DOCK3: variants seen among roughly 807,000 people sequenced by gnomAD.
DOCK3 encodes dedicator of cytokinesis protein 3.
In DOCK3, 60 loss-of-function variants were observed where a neutral mutation model predicts 265.6. That is an observed-to-expected ratio of 0.23 (90% CI 0.18 to 0.28). The LOEUF (loss-of-function observed/expected upper bound fraction) is 0.28. Among genes scored for constraint, DOCK3 ranks in the 10% least tolerant of loss-of-function variants. The pLI, the probability that DOCK3 is intolerant of heterozygous loss-of-function variation, is 1.00. For missense variants in DOCK3, 1,981 were observed against 2,594.3 expected (o/e 0.76, Z 5.14); for synonymous variants, 881 against 938.0 (o/e 0.94, Z 1.11).
At chr3:50,881,288 C>T (rs1252608781) in intron 3 of DOCK3, 1 of 152,112 alleles carries the variant, frequency 6.6e-6, no homozygotes, top group African/African-American at 2.4e-5. Context: ...GGCAATCAGG[C>T]AAGAGAAAGA....
chr3:51,008,708 G>C (rs1393110643), intron 5 of DOCK3, among the ~76,000 whole-genome samples: 1 of 152,168 alleles, frequency 6.6e-6, no homozygotes, highest in African/African-American at 2.4e-5. Flanking sequence ...TTTTCAAAGG[G>C]AATGCTTCCA....
intron 5 of DOCK3, among the ~76,000 whole-genome samples, chr3:50,961,385 T>C (rs9869826): frequency 0.094 from 14,368 of 152,194 alleles, 835 homozygotes; most frequent in East Asian, 0.24. Flanking sequence ...GTGAGAGGAA[T>C]AGGAAGTTCT....
At chr3:51,212,939 A>G (rs980509909) in intron 13 of DOCK3, among the ~76,000 whole-genome samples, 4 of 151,998 alleles carry the variant, frequency 2.6e-5, no homozygotes, top group South Asian at 2.1e-4. Flanking sequence ...TCCAGGCTCT[A>G]GTAGAACCGT....
chr3:51,274,993 A>G (rs972265524), intron 24 of DOCK3, 86 bp from the exon 25 acceptor site: 9 of 1,554,104 alleles, frequency 5.8e-6, no homozygotes, highest in South Asian at 3.4e-5. Context: ...TGCTTTGAGA[A>G]TAGCTAAGTC....
At chr3:50,915,268 C>T (rs1575519738) in intron 4 of DOCK3, among the ~76,000 whole-genome samples, 1 of 151,966 alleles carries the variant, frequency 6.6e-6, no homozygotes, top group East Asian at 1.9e-4. Context: ...GTAGTAGTGA[C>T]TCTAGACCAT....
chr3:51,018,540 T>C (rs1442543359), intron 5 of DOCK3, among the ~76,000 whole-genome samples: 1 of 151,760 alleles, frequency 6.6e-6, no homozygotes, highest in Admixed American at 6.6e-5. Context: ...ATCTGTTATG[T>C]AAAATATTTC....
At chr3:51,203,545 C>G (rs2088959916) in intron 12 of DOCK3, among the ~76,000 whole-genome samples, 1 of 152,192 alleles carries the variant, frequency 6.6e-6, no homozygotes. Flanking sequence ...ACATTCCATG[C>G]TCATGGATAG....
chr3:50,920,757 G>A (rs2050407007), intron 4 of DOCK3, among the ~76,000 whole-genome samples: 1 of 152,058 alleles, frequency 6.6e-6, no homozygotes, highest in African/African-American at 2.4e-5. Context: ...CTTCAGTTCT[G>A]CTCTGATCTT....
At chr3:51,134,044 T>G (rs1459220102) in intron 9 of DOCK3, among the ~76,000 whole-genome samples, 1 of 152,180 alleles carries the variant, frequency 6.6e-6, no homozygotes, top group Admixed American at 6.5e-5. Flanking sequence ...GGTTTTCTGT[T>G]TCTGCGTTAG....
chr3:50,933,787 C>A (rs1250848182), intron 4 of DOCK3, among the ~76,000 whole-genome samples, 194 bp from the exon 5 acceptor site: 1 of 152,162 alleles, frequency 6.6e-6, no homozygotes, highest in Non-Finnish European at 1.5e-5. Context: ...AAACCCAAAT[C>A]TCTTTACTTT....
chr3:51,103,900 A>G (rs1310000109), intron 9 of DOCK3, among the ~76,000 whole-genome samples: 3 of 152,214 alleles, frequency 2.0e-5, no homozygotes, highest in African/African-American at 4.8e-5. Context: ...AGACAGCAAT[A>G]TTTCTACCCA....
chr3:51,339,048 A>T lies in DOCK3; in HGVS notation c.3766+20A>T, dbSNP rs2085063522. 3 of 1,552,756 alleles carry T rather than the reference A, an allele frequency of 1.9e-6. No individual in the cohort carries two copies. Among genetic ancestry groups the T allele is most frequent in the Non-Finnish European group, 2.6e-6 (3 of 1,150,290 alleles). On this transcript the variant is annotated intron_variant, in intron 37 of 52. Coordinates refer to ENST00000266037, the MANE Select transcript of DOCK3 (RefSeq NM_004947.5). ...ACACAGGTAAGTGGGGAGAAGAGAGAGCCATGCCTGACCATGAGGACAAAC... is the reference window on the plus strand; with the variant it reads ...ACACAGGTAAGTGGGGAGAAGAGAGTGCCATGCCTGACCATGAGGACAAAC...
intron 9 of DOCK3, among the ~76,000 whole-genome samples, chr3:51,143,554 G>A (rs570060753): frequency 2.0e-5 from 3 of 152,242 alleles, no homozygotes; most frequent in African/African-American, 7.2e-5. Context: ...ACAAGTGTGA[G>A]CCACCACACC....
At chr3:51,044,469 G>A (rs569061453) in intron 5 of DOCK3, among the ~76,000 whole-genome samples, 3 of 151,716 alleles carry the variant, frequency 2.0e-5, no homozygotes, top group African/African-American at 7.2e-5. Flanking sequence ...CAGGAAAAAC[G>A]ACTAATGGGT....
chr3:51,321,904 T>C (rs1401750781), intron 32 of DOCK3, among the ~76,000 whole-genome samples: 2 of 152,210 alleles, frequency 1.3e-5, no homozygotes, highest in Non-Finnish European at 2.9e-5. Flanking sequence ...GAAAACACTC[T>C]TCAGGATATT....
intron 5 of DOCK3, among the ~76,000 whole-genome samples, chr3:50,945,126 G>A (rs904427856): frequency 2.6e-5 from 4 of 152,078 alleles, no homozygotes; most frequent in African/African-American, 9.7e-5. Context: ...AAAAGGTAAA[G>A]GTATGTGTGT....
At chr3:51,047,451 T>C (rs980735103) in intron 5 of DOCK3, among the ~76,000 whole-genome samples, 10 of 61,626 alleles carry the variant, frequency 1.6e-4, no homozygotes, top group South Asian at 1.4e-3. Context: ...AGATAGAGAA[T>C]GGAAAACAAT....
At chr3:51,202,441 A>C (rs2088850267) in intron 12 of DOCK3, among the ~76,000 whole-genome samples, 1 of 152,064 alleles carries the variant, frequency 6.6e-6, no homozygotes, top group Non-Finnish European at 1.5e-5. Flanking sequence ...ATTCCTCAAC[A>C]TATACACCCT....
chr3:50,788,230 A>T, intron 2 of DOCK3: 1 of 739,486 alleles, frequency 1.4e-6, no homozygotes, highest in Non-Finnish European at 2.0e-6. Flanking sequence ...CATTCCTGCT[A>T]CAGGCACAGC....
Sources: allele counts gnomAD v4.1 joint callset (sites outside exome capture counted in the v4.1 genomes callset), GRCh38; gene constraint gnomAD v4.1.1; transcripts MANE v1.5; gene names NCBI Gene and HGNC (gene_info 2026-07-23, HGNC 2026-07-21).